Variants in ARHGEF3 observed in about 807,000 individuals in gnomAD.
The protein encoded by ARHGEF3 is Rho guanine nucleotide exchange factor 3, also known as 59.8 kDA protein.
Under a neutral mutation model 63.2 loss-of-function variants are expected in ARHGEF3, and 28 were observed. The ratio of observed to expected loss-of-function variants is 0.44; its 90% CI spans 0.33 to 0.61. The LOEUF is 0.61. Among genes scored for constraint, ARHGEF3 ranks in the 20% least tolerant of loss-of-function variants. The pLI, the probability that ARHGEF3 is intolerant of heterozygous loss-of-function variation, is 0.03. For synonymous variants in ARHGEF3, 266 were observed against 254.2 expected, an observed-to-expected ratio of 1.05 and a Z score of -0.44; for missense variants, 533 against 659.3, an observed-to-expected ratio of 0.81 and a Z score of 2.10.
At chr3:57,064,400 T>TGCA (rs1040684251) in intron 1 of ARHGEF3, among the ~76,000 whole-genome samples, 1 of 152,034 alleles carries the variant, frequency 6.6e-6, no homozygotes, top group Non-Finnish European at 1.5e-5. Context: ...CACGGCTCAC[T>TGCA]GCAGCCTCAA....
chr3:56,973,219 G>T (rs550391239), intron 2 of ARHGEF3, among the ~76,000 whole-genome samples: 1 of 151,958 alleles, frequency 6.6e-6, no homozygotes, highest in African/African-American at 2.4e-5. Flanking sequence ...GGGTTTCACC[G>T]TGTTAGCCAG....
At chr3:56,786,919 G>T (rs978287722) in intron 1 of ARHGEF3, among the ~76,000 whole-genome samples, 1 of 142,672 alleles carries the variant, frequency 7.0e-6, no homozygotes, top group African/African-American at 2.5e-5. Context: ...AAAAAAAAAA[G>T]TTGGCTAGCC....
chr3:56,972,436 T>G (rs1700953746), intron 2 of ARHGEF3, among the ~76,000 whole-genome samples: 1 of 152,148 alleles, frequency 6.6e-6, no homozygotes, highest in African/African-American at 2.4e-5. Flanking sequence ...GGCATTATTT[T>G]AGGCATAGGG....
intron 1 of ARHGEF3, among the ~76,000 whole-genome samples, chr3:56,791,099 A>G (rs577248763): frequency 6.6e-6 from 1 of 152,274 alleles, no homozygotes; most frequent in South Asian, 2.1e-4. Context: ...GTTCAGAAAG[A>G]CATCATTTTA....
intron 4 of ARHGEF3, among the ~76,000 whole-genome samples, chr3:56,863,731 G>A (rs1277031621): frequency 6.6e-6 from 1 of 151,924 alleles, no homozygotes; most frequent in Non-Finnish European, 1.5e-5. Flanking sequence ...CACCACACCC[G>A]GCCCACATTT....
At chr3:56,986,575 T>G (rs1024228769) in intron 2 of ARHGEF3, among the ~76,000 whole-genome samples, 1 of 151,120 alleles carries the variant, frequency 6.6e-6, no homozygotes, top group Non-Finnish European at 1.5e-5. Context: ...GAGTAAGGGG[T>G]TGGGGGGAAG....
intron 4 of ARHGEF3, among the ~76,000 whole-genome samples, chr3:56,834,632 T>C (rs760753024): frequency 1.6e-4 from 25 of 151,750 alleles, no homozygotes; most frequent in Non-Finnish European, 3.2e-4. Flanking sequence ...TGGTGGCACA[T>C]GCCTGTAATC....
chr3:56,868,816 T>A (rs1404803168), intron 4 of ARHGEF3, among the ~76,000 whole-genome samples: 2 of 152,176 alleles, frequency 1.3e-5, no homozygotes, highest in Non-Finnish European at 2.9e-5. Flanking sequence ...CTGTGCTTGG[T>A]TAACTTGTTT....
At chr3:57,079,049 A>G (rs6414588) in intron 1 of ARHGEF3, 220,444 of 330,830 alleles carry the variant, frequency 0.67, 77,379 homozygotes, top group Non-Finnish European at 0.74. Flanking sequence ...GCCGAGACCT[A>G]GCAGGGTAAC....
intron 3 of ARHGEF3, among the ~76,000 whole-genome samples, chr3:56,893,623 T>C (rs2041195232): frequency 6.6e-6 from 1 of 152,016 alleles, no homozygotes; most frequent in Non-Finnish European, 1.5e-5. Context: ...CTGACCAACA[T>C]GGTGAAACCC....
At chr3:56,964,787 G>A (rs540464922) in intron 2 of ARHGEF3, among the ~76,000 whole-genome samples, 26 of 152,166 alleles carry the variant, frequency 1.7e-4, no homozygotes, top group African/African-American at 6.3e-4. Context: ...ACCTAACAGA[G>A]AAGAAGGACT....
At chr3:56,738,542 A>C (rs1401488485) in intron 7 of ARHGEF3, among the ~76,000 whole-genome samples, 1 of 152,148 alleles carries the variant, frequency 6.6e-6, no homozygotes, top group East Asian at 1.9e-4. Context: ...GAAAAAAGAC[A>C]CCAGTATAAT....
intron 4 of ARHGEF3, among the ~76,000 whole-genome samples, chr3:56,857,927 C>T (rs558529141): frequency 6.6e-6 from 1 of 152,212 alleles, no homozygotes; most frequent in East Asian, 1.9e-4. Context: ...AGTTCTGGCA[C>T]CATTTTTCTG....
chr3:56,888,065 G>T (rs1204882866), intron 3 of ARHGEF3, among the ~76,000 whole-genome samples: 2 of 150,020 alleles, frequency 1.3e-5, no homozygotes, highest in Non-Finnish European at 3.0e-5. Flanking sequence ...GAAAAAACCT[G>T]CCCATTCAAG....
At chr3:56,757,022 T>C (rs894545034) in intron 2 of ARHGEF3, among the ~76,000 whole-genome samples, 1 of 152,224 alleles carries the variant, frequency 6.6e-6, no homozygotes, top group African/African-American at 2.4e-5. Context: ...AACTAGAAAC[T>C]TCCTGAGGTC....
intron 3 of ARHGEF3, among the ~76,000 whole-genome samples, chr3:56,896,648 A>G (rs2041310308): frequency 6.6e-6 from 1 of 152,200 alleles, no homozygotes; most frequent in South Asian, 2.1e-4. Context: ...CTTGATTTTA[A>G]TGATTTTGAA....
At chr3:57,050,358 A>G (rs954922683) in intron 1 of ARHGEF3, among the ~76,000 whole-genome samples, 11 of 152,196 alleles carry the variant, frequency 7.2e-5, no homozygotes, top group African/African-American at 2.7e-4. Context: ...CTCTACTCTC[A>G]GGACTATCAA....
chr3:56,751,849 A>G lies in ARHGEF3; in HGVS notation c.439-453T>C, dbSNP rs76261867. Reference sequence around the variant, plus strand: ...GGTATCCTTTACTACTGATTTGAACAAAGAGAGCAAAGGTGATAATCCTAT... The same window carrying G: ...GGTATCCTTTACTACTGATTTGAACGAAGAGAGCAAAGGTGATAATCCTAT... On this transcript the variant is annotated intron_variant, in intron 4 of 9. Coordinates refer to ENST00000296315, the MANE Select transcript of ARHGEF3 (RefSeq NM_019555.3). 2.7e-4 allele frequency among the ~76,000 whole-genome samples: 41 copies of G among 152,326 alleles called. No individual in the cohort carries two copies. In the East Asian group the frequency reaches 7.1e-3, roughly 26 times the overall value.
chr3:56,781,279 G>A (rs375380891), intron 1 of ARHGEF3, among the ~76,000 whole-genome samples: 30 of 147,450 alleles, frequency 2.0e-4, no homozygotes, highest in African/African-American at 5.6e-4. Context: ...ACAGAGTCTC[G>A]TTCTGTCACT....
Sources: allele counts gnomAD v4.1 joint callset (sites outside exome capture counted in the v4.1 genomes callset), GRCh38; gene constraint gnomAD v4.1.1; transcripts MANE v1.5; gene names NCBI Gene and HGNC (gene_info 2026-07-23, HGNC 2026-07-21).